Variants in RPN1 observed in about 807,000 individuals in gnomAD.
The protein encoded by RPN1 is ribophorin I, also known as dolichyl-diphosphooligosaccharide--protein glycosyltransferase subunit 1.
In RPN1, 12 loss-of-function variants were observed where a neutral mutation model predicts 55.5. The observed-to-expected ratio is 0.22, with a 90% CI of 0.14 to 0.35. RPN1 has a LOEUF of 0.35. RPN1 is among the 10% of genes least tolerant of loss of function. RPN1 has a pLI of 1.00. For missense variants in RPN1, 679 were observed against 761.3 expected (o/e 0.89, Z 1.27); for synonymous variants, 317 against 305.9 (o/e 1.04, Z -0.38).
At position 128,625,844 on chromosome 3, in the gene RPN1, C is replaced by T. The variant is rs1436759015; in HGVS notation, c.1275+30G>A. On this transcript the variant is annotated intron_variant, in intron 7 of 9. Coordinates refer to ENST00000296255, the MANE Select transcript of RPN1 (RefSeq NM_002950.4). ...CAGAGCCCACTGTCTGGGGAAGACG[C>T]CATGGAAGGCAAACAGTGGAGCCAC... 6 of 1,595,000 alleles carry T rather than the reference C, an allele frequency of 3.8e-6. No homozygotes were observed. The East Asian group carries it at 1.3e-4, about 36-fold the overall frequency.
intron 1 of RPN1, among the ~76,000 whole-genome samples, chr3:128,648,125 G>A (rs1262153146): frequency 6.6e-6 from 1 of 152,130 alleles, no homozygotes; most frequent in Non-Finnish European, 1.5e-5. Context: ...CGGGCGCAGT[G>A]GCTCACACCT....
intron 4 of RPN1, among the ~76,000 whole-genome samples, chr3:128,631,349 A>G (rs2069640243): frequency 6.8e-6 from 1 of 148,074 alleles, no homozygotes; most frequent in African/African-American, 2.5e-5. Flanking sequence ...TTGGTGGTGC[A>G]TGCCTGTAAT....
intron 3 of RPN1, among the ~76,000 whole-genome samples, chr3:128,632,535 A>G (rs2069649481): frequency 6.6e-6 from 1 of 152,174 alleles, no homozygotes; most frequent in Non-Finnish European, 1.5e-5. Flanking sequence ...AGTTTCCAAT[A>G]TCTTGTTCAA....
At chr3:128,633,882 C>G (rs1451492894) in intron 3 of RPN1, among the ~76,000 whole-genome samples, 1 of 151,904 alleles carries the variant, frequency 6.6e-6, no homozygotes, top group African/African-American at 2.4e-5. Flanking sequence ...ACTAAGGAGG[C>G]TGAGGTAGGA....
intron 1 of RPN1, among the ~76,000 whole-genome samples, chr3:128,645,644 C>G (rs1018262462): frequency 2.6e-5 from 4 of 151,406 alleles, no homozygotes; most frequent in African/African-American, 9.7e-5. Flanking sequence ...TGGTGAAACC[C>G]CGTCTCTACG....
At chr3:128,629,872 A>C in intron 5 of RPN1, 79 bp downstream of exon 5, 1 of 800,112 alleles carries the variant, frequency 1.2e-6, no homozygotes, top group African/African-American at 1.8e-5. Flanking sequence ...CACCCCATCT[A>C]TAAAGACTGA....
At chr3:128,636,701 G>C (rs1170488121) in intron 3 of RPN1, among the ~76,000 whole-genome samples, 1 of 151,998 alleles carries the variant, frequency 6.6e-6, no homozygotes, top group Non-Finnish European at 1.5e-5. Flanking sequence ...CTACAGGAGT[G>C]TGTCACCATG....
rs770456695 is a variant in RPN1 at position 128,622,295 on chromosome 3, T to C, written c.1510A>G (p.Lys504Glu). 3 of 1,614,246 alleles carry C rather than the reference T, an allele frequency of 1.9e-6. No homozygotes were observed. Among genetic ancestry groups the C allele is most frequent in the Non-Finnish European group, 2.5e-6 (3 of 1,180,046 alleles). The change falls in exon 9 of 10, where the codon AAG becomes GAG. Residue 504 changes from lysine to glutamate, a missense_variant. By Grantham distance (56) the Lys-to-Glu change is moderately conservative. Coordinates refer to ENST00000296255, the MANE Select transcript of RPN1 (RefSeq NM_002950.4). ...AGGGTGGAGATGTCCCGGGATTGCTTGTACCTATTGACGGTCTCGTCAAAG... is the reference window on the plus strand; with the variant it reads ...AGGGTGGAGATGTCCCGGGATTGCTCGTACCTATTGACGGTCTCGTCAAAG... ...RHFDETVNRYKQSRDISTLNS... is the reference protein window; with the variant it reads ...RHFDETVNRYEQSRDISTLNS...
chr3:128,635,761 TAC>T (rs1425199858), intron 3 of RPN1, among the ~76,000 whole-genome samples: 2 of 149,792 alleles, frequency 1.3e-5, no homozygotes, highest in Non-Finnish European at 3.0e-5. Flanking sequence ...CTTATATATA[TAC>T]GTGTGTGTAT....
chr3:128,632,567 T>C (rs2069649625), intron 3 of RPN1, among the ~76,000 whole-genome samples: 2 of 152,148 alleles, frequency 1.3e-5, no homozygotes, highest in Admixed American at 1.3e-4. Flanking sequence ...TAAGTGGCAA[T>C]ACAAGGTCTG....
intron 2 of RPN1, among the ~76,000 whole-genome samples, chr3:128,640,863 T>C (rs1331652733): frequency 6.6e-6 from 1 of 152,136 alleles, no homozygotes; most frequent in Admixed American, 6.6e-5. Flanking sequence ...CCCCAGCCCA[T>C]CTACACAATC....
chr3:128,631,828 G>T, intron 4 of RPN1, 120 bp downstream of exon 4: 2 of 1,021,276 alleles, frequency 2.0e-6, no homozygotes, highest in Non-Finnish European at 1.5e-6. Flanking sequence ...CAATCAACAA[G>T]ATGAACATCA....
At chr3:128,643,822 G>A (rs1008129761) in intron 2 of RPN1, among the ~76,000 whole-genome samples, 3 of 151,886 alleles carry the variant, frequency 2.0e-5, no homozygotes, top group African/African-American at 7.3e-5. Flanking sequence ...AATTAGCCGG[G>A]CATGGTGGCA....
intron 3 of RPN1, among the ~76,000 whole-genome samples, chr3:128,634,935 G>A (rs142951218): frequency 2.6e-5 from 4 of 152,190 alleles, no homozygotes; most frequent in African/African-American, 7.2e-5. Context: ...AAAAGCCTGC[G>A]TAGAGGAAAA....
chr3:128,650,812 G>A lies in RPN1; in HGVS notation c.-12C>T, dbSNP rs1295840478. On this transcript the variant is annotated 5_prime_UTR_variant, in exon 1 of 10. Transcript: ENST00000296255. ...GCTGGCGCCTCCATGACCGGGAAGA[G>A]CAGTGCGCCAGGGCGGGTAGGGCCC... 3.3e-6 allele frequency: 5 copies of A among 1,507,282 alleles called. No individual in the cohort carries two copies. The highest frequency in any genetic ancestry group is 4.3e-5 in the Admixed American group (2 of 46,594). The allele number at this position is 1,507,282 out of a possible 1,614,324, so 93.4% of individuals were successfully genotyped here.
chr3:128,621,606 C>T (rs989612785), intron 9 of RPN1, among the ~76,000 whole-genome samples: 3 of 152,146 alleles, frequency 2.0e-5, no homozygotes, highest in Non-Finnish European at 4.4e-5. Flanking sequence ...GGCACCTCTG[C>T]GAAAAGGTTA....
intron 2 of RPN1, among the ~76,000 whole-genome samples, chr3:128,638,835 G>A (rs942569022): frequency 6.6e-6 from 1 of 152,090 alleles, no homozygotes; most frequent in African/African-American, 2.4e-5. Flanking sequence ...GCGTGGTGGT[G>A]CACACCTGTA....
chr3:128,626,895 G>C lies in RPN1; in HGVS notation c.1037-63C>G. The C allele has an allele frequency of 7.7e-6, 11 of 1,423,506 alleles. 1 individual carries two copies. In the South Asian group the frequency reaches 1.3e-4, roughly 16 times the overall value. The allele number at this position is 1,423,506 out of a possible 1,614,324, so 88.2% of individuals were successfully genotyped here. Reference sequence around the variant, plus strand: ...ACGGATCAAATGGGCAGGAGAGAAAGAAGTACAGGGGCTCACATAAAGACA... The same window carrying C: ...ACGGATCAAATGGGCAGGAGAGAAACAAGTACAGGGGCTCACATAAAGACA... On this transcript the variant is annotated intron_variant, in intron 5 of 9. Coordinates refer to ENST00000296255, the MANE Select transcript of RPN1 (RefSeq NM_002950.4).
chr3:128,623,055 T>G (rs1355140303), intron 8 of RPN1, among the ~76,000 whole-genome samples: 2 of 151,992 alleles, frequency 1.3e-5, no homozygotes, highest in African/African-American at 4.8e-5. Flanking sequence ...AAACCAAAAT[T>G]AAGGGACATT....
Sources: allele counts gnomAD v4.1 joint callset (sites outside exome capture counted in the v4.1 genomes callset), GRCh38; gene constraint gnomAD v4.1.1; transcripts MANE v1.5; gene names NCBI Gene and HGNC (gene_info 2026-07-23, HGNC 2026-07-21).